Variants in EIF4A3 observed in about 807,000 individuals in gnomAD.
EIF4A3 encodes the protein eukaryotic initiation factor 4A-III.
Under a neutral mutation model 55.6 loss-of-function variants are expected in EIF4A3, and 1 was observed. The ratio of observed to expected loss-of-function variants is 0.02; its 90% CI spans 0.01 to 0.09. The LOEUF is 0.09. EIF4A3 is among the 10% of genes least tolerant of loss of function. The pLI is 1.00. For synonymous variants in EIF4A3, 194 were observed against 196.3 expected (o/e 0.99, Z 0.10); for missense variants, 221 against 540.7 (o/e 0.41, Z 5.86).
chr17:80,141,705 G>C (rs1243135488), intron 3 of EIF4A3, 77 bp downstream of exon 3: 1 of 1,434,754 alleles, frequency 7.0e-7, no homozygotes, highest in Non-Finnish European at 9.7e-7. Context: ...TGTACTTTTT[G>C]AACACTGTAG....
Position 80,144,216 on chromosome 17 carries a change from T to C in EIF4A3, c.198A>G (p.Gln66=). 3 of 1,614,078 alleles carry C rather than the reference T, an allele frequency of 1.9e-6. No individual in the cohort carries two copies. Among genetic ancestry groups the C allele is most frequent in the South Asian group, 2.2e-5 (2 of 91,086 alleles). Residue 66 remains glutamine, a synonymous_variant, in exon 2 of 12, where the codon CAA becomes CAG. Coordinates refer to ENST00000649764, the MANE Select transcript of EIF4A3 (RefSeq NM_014740.4). ...YGFEKPSAIQ[Q]RAIKQIIKGR... ...CTTTGATGATCTGCTTGATTGCTCG[T>C]TGCTGGATTGCTGATGGTTTTTCAA... is the stretch of plus-strand genomic sequence containing the variant.
In EIF4A3 at chr17:80,140,909, G is replaced by GC. The variant is rs566315287; in HGVS notation, c.372+409dup. 1.1e-4 allele frequency among the ~76,000 whole-genome samples: 16 copies of GC among 151,450 alleles called. No homozygotes were observed. The South Asian group carries it at 3.1e-3, about 30-fold the overall frequency. On this transcript the variant is annotated intron_variant, in intron 4 of 11. Coordinates refer to ENST00000649764, the MANE Select transcript of EIF4A3 (RefSeq NM_014740.4). ...CCTCCCGGGTTCAAGTGATTCTCCT[G>GC]CTCAGCCACCCAAGTAGCTGGGATT...
chr17:80,141,897 C>A (rs2039621814), intron 2 of EIF4A3, 49 bp from the exon 3 acceptor site: 2 of 1,517,130 alleles, frequency 1.3e-6, no homozygotes, highest in South Asian at 2.3e-5. Flanking sequence ...ACAGGCCACG[C>A]CACAGCTGCA....
At chr17:80,140,307 A>G in intron 4 of EIF4A3, 167 bp from the exon 5 acceptor site, 1 of 827,230 alleles carries the variant, frequency 1.2e-6, no homozygotes, top group South Asian at 3.5e-5. Flanking sequence ...AAACAAGTTA[A>G]TTTTGCTTTT....
chr17:80,142,285 A>T (rs777856613), intron 2 of EIF4A3, among the ~76,000 whole-genome samples: 7 of 152,206 alleles, frequency 4.6e-5, no homozygotes, highest in Non-Finnish European at 1.0e-4. Context: ...ATGGCTATAT[A>T]CAAGTTTTCA....
Position 80,134,882 on chromosome 17 carries a change from T to G in EIF4A3, c.*608A>C, listed in dbSNP as rs1218103769. On this transcript the variant is annotated 3_prime_UTR_variant, in exon 12 of 12. Coordinates refer to ENST00000649764, the MANE Select transcript of EIF4A3 (RefSeq NM_014740.4). ...AGTGAGTGAAATGGGCCGGGTGCAGTGGCTCACGCCTGTAATCCCAGCACT... is the reference window on the plus strand; with the variant it reads ...AGTGAGTGAAATGGGCCGGGTGCAGGGGCTCACGCCTGTAATCCCAGCACT... 6.6e-6 allele frequency among the ~76,000 whole-genome samples: 1 copy of G among 151,970 alleles called. No homozygotes were observed. The highest frequency in any genetic ancestry group is 2.4e-5 in the African/African-American group (1 of 41,366).
intron 1 of EIF4A3, among the ~76,000 whole-genome samples, chr17:80,146,409 T>TC (rs1194196640): frequency 1.3e-5 from 2 of 151,932 alleles, no homozygotes; most frequent in African/African-American, 4.8e-5. Context: ...CAGTATGCTT[T>TC]CCCCCCAAAC....
Position 80,146,872 on chromosome 17 carries a change from G to C in EIF4A3, c.90C>G (p.Thr30=). Residue 30 remains threonine (T), a synonymous_variant, in exon 1 of 12, where the codon ACC becomes ACG. Transcript: ENST00000649764. ...EEDMTKVEFE[T]SEEVDVTPTF... ...TGGGGGTCACATCCACCTCCTCGCT[G>C]GTCTCGAATTCCACTTTAGTCATGT... 6.2e-7 allele frequency: 1 copy of C among 1,611,540 alleles called. No individual in the cohort carries two copies. Among genetic ancestry groups the C allele is most frequent in the Non-Finnish European group, 8.5e-7 (1 of 1,179,144 alleles).
intron 4 of EIF4A3, 120 bp downstream of exon 4, chr17:80,141,199 G>C: frequency 1.9e-6 from 2 of 1,065,982 alleles, no homozygotes; most frequent in Non-Finnish European, 2.7e-6. Flanking sequence ...ATGTTAATCA[G>C]GAAGAAAATT....
intron 8 of EIF4A3, among the ~76,000 whole-genome samples, chr17:80,137,794 C>G (rs2039585069): frequency 6.6e-6 from 1 of 152,016 alleles, no homozygotes; most frequent in Non-Finnish European, 1.5e-5. Context: ...GAATGTAGCC[C>G]AACTCCTTTC....
rs140110973 is a variant in EIF4A3, at chr17:80,134,889, C to T, written c.*601G>A. On this transcript the variant is annotated 3_prime_UTR_variant, in exon 12 of 12. Transcript: ENST00000649764. ...GAAATGGGCCGGGTGCAGTGGCTCA[C>T]GCCTGTAATCCCAGCACTTTGGGAG... is the stretch of plus-strand genomic sequence containing the variant. Among the ~76,000 whole-genome samples, 328 of 152,126 alleles carry T rather than the reference C, an allele frequency of 2.2e-3. 1 individual carries two copies. Among genetic ancestry groups the T allele is most frequent in the African/African-American group, 7.4e-3 (309 of 41,512 alleles).
intron 1 of EIF4A3, 55 bp downstream of exon 1, chr17:80,146,738 C>T: frequency 1.9e-6 from 3 of 1,568,992 alleles, no homozygotes; most frequent in Non-Finnish European, 2.6e-6. Context: ...GCCCTCAGCC[C>T]CCGGCTCGCC....
chr17:80,137,362 A>G (rs1857029063), intron 9 of EIF4A3, 24 bp downstream of exon 9: 1 of 1,603,976 alleles, frequency 6.2e-7, no homozygotes, highest in South Asian at 1.1e-5. Context: ...CCTGACCTGC[A>G]GAGCCACAGC....
rs1411599017 is a variant in EIF4A3 at position 80,137,430 on chromosome 17, C to T, written c.939G>A (p.Gln313=). 8.1e-6 allele frequency: 13 copies of T among 1,614,140 alleles called. No homozygotes were observed. Among genetic ancestry groups the T allele is most frequent in the Non-Finnish European group, 1.1e-5 (13 of 1,180,016 alleles). ...TVSSMHGDMP[Q]KERESIMKEF... is the part of the protein sequence containing the mutation. ...CCTTCATGATGGACTCCCGCTCTTTCTGGGGCATGTCTCCATGCATTGAGG... is the reference window on the plus strand; with the variant it reads ...CCTTCATGATGGACTCCCGCTCTTTTTGGGGCATGTCTCCATGCATTGAGG... Residue 313 remains glutamine (Q), a synonymous_variant, in exon 9 of 12, where the codon CAG becomes CAA. Transcript: ENST00000649764.
At chr17:80,139,378 T>C in intron 6 of EIF4A3, 1 of 669,944 alleles carries the variant, frequency 1.5e-6, no homozygotes. Flanking sequence ...GAATCTGGTT[T>C]CCCTTTGGTG....
In EIF4A3 at chr17:80,134,661, A is replaced by G. The variant is rs999142671; in HGVS notation, c.*829T>C. ...CCACAAAGTGAGACCCTGTCTCTACAAAAAATTTAAATATTAGCCAGATGT... is the reference window on the plus strand; with the variant it reads ...CCACAAAGTGAGACCCTGTCTCTACGAAAAATTTAAATATTAGCCAGATGT... On this transcript the variant is annotated 3_prime_UTR_variant, in exon 12 of 12. Transcript: ENST00000649764. Among the ~76,000 whole-genome samples, 1 of 152,118 alleles carries G rather than the reference A, an allele frequency of 6.6e-6. No individual in the cohort carries two copies. Among genetic ancestry groups the G allele is most frequent in the African/African-American group, 2.4e-5 (1 of 41,424 alleles).
At chr17:80,146,310 T>G (rs188214659) in intron 1 of EIF4A3, among the ~76,000 whole-genome samples, 1 of 151,794 alleles carries the variant, frequency 6.6e-6, no homozygotes, top group Admixed American at 6.6e-5. Context: ...CCCCCTTACC[T>G]CTCTGCTTTA....
intron 8 of EIF4A3, 127 bp downstream of exon 8, chr17:80,138,015 A>G: frequency 2.4e-6 from 3 of 1,257,186 alleles, no homozygotes; most frequent in Non-Finnish European, 3.3e-6. Flanking sequence ...TTTACAAGAG[A>G]ACACATACCC....
In EIF4A3 at chr17:80,141,803, G is replaced by T; in HGVS notation, c.288C>A (p.Val96=). The change falls in exon 3 of 12, where the codon GTC becomes GTA. Residue 96 remains valine, a synonymous_variant. Coordinates refer to ENST00000649764, the MANE Select transcript of EIF4A3 (RefSeq NM_014740.4). ...TGKTATFSIS[V]LQCLDIQVRE... ...TTACCTGAATATCCAAACACTGGAG[G>T]ACTGAGATACTGAAGGTGGCTGTTT... 2 of 1,613,956 alleles carry T rather than the reference G, an allele frequency of 1.2e-6. No homozygotes were observed. The highest frequency in any genetic ancestry group is 2.2e-5 in the South Asian group (2 of 91,052).
Sources: gnomAD v4.1 joint callset for allele counts (sites outside exome capture counted in the v4.1 genomes callset) on GRCh38, gnomAD v4.1.1 for gene constraint, MANE v1.5 for transcripts, NCBI Gene and HGNC (gene_info 2026-07-23, HGNC 2026-07-21) for gene names.